HMCN2: variants seen among roughly 807,000 people sequenced by gnomAD.
HMCN2 encodes the protein hemicentin 2, also known as hemicentin-2.
Under a neutral mutation model 377.5 loss-of-function variants are expected in HMCN2, and 325 were observed. That is an observed-to-expected ratio of 0.86 (90% CI 0.79 to 0.94). The LOEUF (loss-of-function observed/expected upper bound fraction) is 0.94. HMCN2 is among the 40% of genes least tolerant of loss of function. HMCN2 has a pLI of 0.00. For missense variants in HMCN2, 4,543 were observed against 4,725.3 expected, an observed-to-expected ratio of 0.96 and a Z score of 1.13; for synonymous variants, 2,007 against 2,046.8, an observed-to-expected ratio of 0.98 and a Z score of 0.53.
chr9:130,319,314 C>T (rs1837725902), intron 15 of HMCN2, among the ~76,000 whole-genome samples, 181 bp from the exon 16 acceptor site: 1 of 152,160 alleles, frequency 6.6e-6, no homozygotes, highest in African/African-American at 2.4e-5. Flanking sequence ...TGCCTCATCC[C>T]AAGAGCTCTC....
intron 40 of HMCN2, among the ~76,000 whole-genome samples, chr9:130,363,879 A>T (rs1378713457): frequency 6.8e-6 from 1 of 147,182 alleles, no homozygotes; most frequent in Non-Finnish European, 1.5e-5. Flanking sequence ...GAAGGAAGGA[A>T]AGAAGGAAGG....
intron 14 of HMCN2, 89 bp from the exon 15 acceptor site, chr9:130,309,823 G>A (rs116988271): frequency 4.0e-5 from 14 of 348,802 alleles, no homozygotes; most frequent in Middle Eastern, 8.0e-4. Flanking sequence ...TTGTGCAGCC[G>A]CAGGAGCCAA....
chr9:130,408,154 C>T (rs988390902), intron 83 of HMCN2, among the ~76,000 whole-genome samples: 5 of 152,260 alleles, frequency 3.3e-5, no homozygotes, highest in Non-Finnish European at 7.4e-5. Context: ...TCTTAGTTTG[C>T]ACAACCTCAG....
Position 130,407,635 on chromosome 9 carries a change from C to A in HMCN2, c.12618C>A (p.Ser4206Arg), listed in dbSNP as rs935430429. 5 of 1,285,900 alleles carry A rather than the reference C, an allele frequency of 3.9e-6. No individual in the cohort carries two copies. Among genetic ancestry groups the A allele is most frequent in the Admixed American group, 2.3e-5 (1 of 43,148 alleles). 79.7% of individuals were successfully genotyped at this position (1,285,900 alleles called of 1,614,324 possible). The change falls in exon 83 of 98, where the codon AGC (serine) becomes AGA (arginine). Residue 4206 changes from serine to arginine, a missense_variant. By Grantham distance (110) the Ser-to-Arg change is moderately radical. This residue lies in a region of HMCN2 where 1,073 missense variants were observed against 1,319.5 expected (regional missense o/e 0.81). Transcript: ENST00000683500. ...GGGCCGCTGTCTCCAGAGAAGACAG[C>A]GGGACCTATGTCTGCTGGGCGGAGA... ...LQRAAVSRED[S>R]GTYVCWAENR...
intron 77 of HMCN2, among the ~76,000 whole-genome samples, chr9:130,402,389 C>A (rs1443408878): frequency 6.6e-6 from 1 of 152,206 alleles, no homozygotes; most frequent in African/African-American, 2.4e-5. Context: ...AGGCAGTAAT[C>A]CTGGGAGGCT....
Position 130,422,714 on chromosome 9 carries a change from C to G in HMCN2, c.13369C>G (p.Pro4457Ala). Residue 4457 changes from proline to alanine, a missense_variant, in exon 87 of 98, where the codon CCA (proline) becomes GCA (alanine). This residue lies in a region of HMCN2 where 1,155 missense variants were observed against 1,157.7 expected (regional missense o/e 1.00). Coordinates refer to ENST00000683500, the MANE Select transcript of HMCN2 (RefSeq NM_001291815.2). This position sits in a 1 kb window ranked among gnomAD's most constrained non-coding sequence, Gnocchi z 4.2. The stretch of plus-strand genomic sequence containing the variant: ...CATCCACAGCAGCATCCGCCATGTC[C>G]CAGCAAACGTGGGTGAGTGGAAGGC... ...SSIHSSIRHV[P>A]ANVGPLMRVL... The G allele has an allele frequency of 7.8e-7, 1 of 1,281,920 alleles. No individual in the cohort carries two copies. The highest frequency in any genetic ancestry group is 9.9e-7 in the Non-Finnish European group (1 of 1,005,580). 79.4% of individuals were successfully genotyped at this position (1,281,920 alleles called of 1,614,324 possible).
At chr9:130,395,834 C>T (rs1842580677) in intron 71 of HMCN2, 90 bp from the exon 72 acceptor site, 3 of 1,199,726 alleles carry the variant, frequency 2.5e-6, no homozygotes, top group Admixed American at 5.5e-5. Flanking sequence ...TCCAGCTTCA[C>T]CAGTTCCTCA....
intron 16 of HMCN2, 124 bp from the exon 17 acceptor site, chr9:130,320,232 C>T (rs1837773225): frequency 1.3e-5 from 2 of 152,472 alleles, no homozygotes; most frequent in African/African-American, 4.8e-5. Context: ...AGCCTTCCCT[C>T]CTGAACCTCT....
intron 53 of HMCN2, 63 bp downstream of exon 53, chr9:130,377,862 C>T (rs1588346377): frequency 1.0e-6 from 1 of 975,968 alleles, no homozygotes; most frequent in East Asian, 1.1e-4. Flanking sequence ...GTGGGGCTGG[C>T]CCTCCGCAGG....
At position 130,375,623 on chromosome 9, in the gene HMCN2, T is replaced by C; in HGVS notation, c.7691T>C (p.Val2564Ala). The C allele has an allele frequency of 8.1e-6, 8 of 985,814 alleles. No homozygotes were observed. Among genetic ancestry groups the C allele is most frequent in the Non-Finnish European group, 9.6e-6 (8 of 829,946 alleles). 61.1% of individuals were successfully genotyped at this position (985,814 alleles called of 1,614,324 possible). ...GCAGATGAGGAGGTGACCGTGACTG[T>C]CAACAACCCCATCTCTCTGATCTGC... is the stretch of plus-strand genomic sequence containing the variant. ...DSADEEVTVTVNNPISLICEA... is the reference protein window; with the variant it reads ...DSADEEVTVTANNPISLICEA... Residue 2564 changes from valine to alanine, a missense_variant, in exon 50 of 98, where the codon GTC becomes GCC. Val to Ala is a moderately conservative substitution (Grantham distance 64). Coordinates refer to ENST00000683500, the MANE Select transcript of HMCN2 (RefSeq NM_001291815.2).
intron 1 of HMCN2, among the ~76,000 whole-genome samples, chr9:130,266,894 G>A (rs1006496455): frequency 6.6e-6 from 1 of 152,164 alleles, no homozygotes; most frequent in African/African-American, 2.4e-5. Context: ...CAGGGACAGC[G>A]GTTGCTGAGT....
rs148336369 is a variant in HMCN2 at position 130,352,862 on chromosome 9, C to T, written c.4586-65C>T. The T allele has an allele frequency of 2.4e-4, 291 of 1,192,920 alleles. No homozygotes were observed. In the African/African-American group the frequency reaches 4.2e-3, roughly 17 times the overall value. The allele number at this position is 1,192,920 out of a possible 1,614,324, so 73.9% of individuals were successfully genotyped here. On this transcript the variant is annotated intron_variant, in intron 30 of 97. Transcript: ENST00000683500. ...GTGGCCCAAAGGCATGAGTCTGCTG[C>T]CCTGGGGAAGATGCCAGAGGCCTCA...
At chr9:130,302,204 C>A (rs533965799) in intron 8 of HMCN2, among the ~76,000 whole-genome samples, 1 of 152,074 alleles carries the variant, frequency 6.6e-6, no homozygotes, top group Non-Finnish European at 1.5e-5. Flanking sequence ...CGCGACACCA[C>A]GCCCAGCTAA....
intron 1 of HMCN2, among the ~76,000 whole-genome samples, chr9:130,275,693 C>G (rs1354833556): frequency 1.3e-5 from 2 of 152,118 alleles, no homozygotes; most frequent in Non-Finnish European, 2.9e-5. Context: ...CAAGTGATCC[C>G]CCTGCCTCGG....
intron 19 of HMCN2, among the ~76,000 whole-genome samples, chr9:130,323,912 G>A (rs1458136768): frequency 6.6e-6 from 1 of 152,098 alleles, no homozygotes; most frequent in East Asian, 1.9e-4. Context: ...ATGTTGGCCA[G>A]GCTGGTCTCA....
intron 85 of HMCN2, among the ~76,000 whole-genome samples, chr9:130,418,508 C>G (rs1209145199): frequency 6.6e-6 from 1 of 152,158 alleles, no homozygotes; most frequent in African/African-American, 2.4e-5. Context: ...GATCGCACCA[C>G]TGCACTCCAT....
intron 1 of HMCN2, among the ~76,000 whole-genome samples, chr9:130,277,836 C>G (rs1834813767): frequency 1.1e-4 from 1 of 8,716 alleles, no homozygotes; most frequent in Non-Finnish European, 2.1e-4. Context: ...CCACCACCAT[C>G]ATCATCATCA....
At chr9:130,388,365 G>A in intron 61 of HMCN2, 44 bp from the exon 62 acceptor site, 5 of 987,672 alleles carry the variant, frequency 5.1e-6, no homozygotes, top group Non-Finnish European at 6.0e-6. Flanking sequence ...AAGGAAATTG[G>A]GGAAGAGTCT....
chr9:130,266,949 C>T (rs1834136737), intron 1 of HMCN2, among the ~76,000 whole-genome samples: 2 of 118,084 alleles, frequency 1.7e-5, no homozygotes, highest in Non-Finnish European at 3.4e-5. Flanking sequence ...GCTTTCCACA[C>T]TTCTTTTTTT....
Sources: allele counts gnomAD v4.1 joint callset (sites outside exome capture counted in the v4.1 genomes callset), GRCh38; gene constraint gnomAD v4.1.1; regional missense constraint gnomAD v4.1.1; non-coding constraint Gnocchi (gnomAD v3.1); transcripts MANE v1.5; gene names NCBI Gene and HGNC (gene_info 2026-07-23, HGNC 2026-07-21).